The following ACE variants were observed in gnomAD, a reference collection of about 807,000 sequenced individuals.
ACE encodes angiotensin I converting enzyme.
A neutral mutation model predicts 162.3 loss-of-function variants in ACE; 122 were observed. That is an observed-to-expected ratio of 0.75 (90% CI 0.65 to 0.87). The LOEUF (loss-of-function observed/expected upper bound fraction) is 0.87. Ranked by LOEUF, ACE falls within the 40% of genes least tolerant of loss-of-function variation. The pLI is 0.00. For synonymous variants in ACE, 796 were observed against 720.6 expected (o/e 1.10, Z -1.68); for missense variants, 1,799 against 1,735.1 (o/e 1.04, Z -0.65).
chr17:63,479,946 C>T (rs1261987106), intron 4 of ACE, 34 bp downstream of exon 4: 1 of 1,587,654 alleles, frequency 6.3e-7, no homozygotes, highest in Non-Finnish European at 8.5e-7. Context: ...GGAACCACGC[C>T]AGGTGTCCTC....
At chr17:63,486,785 GC>G (rs1434785123) in intron 14 of ACE, 70 bp downstream of exon 14, 8 of 1,592,150 alleles carry the variant, frequency 5.0e-6, no homozygotes, top group Non-Finnish European at 6.9e-6. Flanking sequence ...GTCTGGCCTG[GC>G]CTTCACGCTG....
Position 63,477,086 on chromosome 17 carries a change from C to T in ACE, c.-9C>T. ...AGAAGGGGCAGAGCCGAGCACCGCG[C>T]ACCGCGTCATGGGGGCCGCCTCGGG... On this transcript the variant is annotated 5_prime_UTR_variant, in exon 1 of 25. Coordinates refer to ENST00000290866, the MANE Select transcript of ACE (RefSeq NM_000789.4). 1 of 1,302,526 alleles carries T rather than the reference C, an allele frequency of 7.7e-7. No individual in the cohort carries two copies. 80.7% of individuals were successfully genotyped at this position (1,302,526 alleles called of 1,614,324 possible).
intron 5 of ACE, 37 bp downstream of exon 5, chr17:63,480,565 G>C (rs757070682): frequency 6.2e-7 from 1 of 1,609,334 alleles, no homozygotes; most frequent in South Asian, 1.1e-5. Flanking sequence ...GAGTCCCACG[G>C]AAGTGTGGGT....
Position 63,477,066 on chromosome 17 carries a change from G to A in ACE, c.-29G>A, listed in dbSNP as rs1488804636. 6 of 1,270,132 alleles carry A rather than the reference G, an allele frequency of 4.7e-6. No homozygotes were observed. Among genetic ancestry groups the A allele is most frequent in the Admixed American group, 4.3e-5 (1 of 23,066 alleles). 78.7% of individuals were successfully genotyped at this position (1,270,132 alleles called of 1,614,324 possible). A position where few individuals can be genotyped will look rare whatever the true frequency, so the allele number is the denominator to read the frequency against. The stretch of plus-strand genomic sequence containing the variant: ...CAGGGCGGCCGCGGCGCAGGAGAAG[G>A]GGCAGAGCCGAGCACCGCGCACCGC... On this transcript the variant is annotated 5_prime_UTR_variant, in exon 1 of 25. Transcript: ENST00000290866.
intron 15 of ACE, among the ~76,000 whole-genome samples, chr17:63,488,367 A>AGC (rs2030113186): frequency 6.8e-6 from 1 of 146,112 alleles, no homozygotes; most frequent in African/African-American, 2.5e-5. Context: ...TCAGAAAAAA[A>AGC]AAAAAAAAAA....
chr17:63,496,412 C>G lies in ACE; in HGVS notation c.3399C>G (p.Ile1133Met), dbSNP rs1431115842. 6.2e-7 allele frequency: 1 copy of G among 1,614,108 alleles called. No individual in the cohort carries two copies. The highest frequency in any genetic ancestry group is 8.5e-7 in the Non-Finnish European group (1 of 1,180,056). Residue 1133 changes from isoleucine to methionine, a missense_variant, in exon 23 of 25, where the codon ATC becomes ATG. Coordinates refer to ENST00000290866, the MANE Select transcript of ACE (RefSeq NM_000789.4). ...GCTCCAGGTACTTTGTCAGCTTCAT[C>G]ATCCAGTTCCAGTTCCACGAGGCAC... ...VPYIRYFVSF[I>M]IQFQFHEALC...
chr17:63,494,184 CTG>C (rs1453275517), intron 21 of ACE, 118 bp downstream of exon 21: 1 of 1,402,738 alleles, frequency 7.1e-7, no homozygotes, highest in Admixed American at 1.9e-5. Context: ...ACTATTGTGT[CTG>C]TGCATATGAT....
chr17:63,493,747 A>T, intron 20 of ACE, 88 bp downstream of exon 20: 1 of 1,530,062 alleles, frequency 6.5e-7, no homozygotes, highest in Non-Finnish European at 8.9e-7. Flanking sequence ...TTAGTGGCCC[A>T]TGGGCAGAGG....
At chr17:63,490,879 C>T in intron 17 of ACE, 75 bp from the exon 18 acceptor site, 1 of 1,401,926 alleles carries the variant, frequency 7.1e-7, no homozygotes, top group Non-Finnish European at 1.0e-6. Context: ...CTGGAGCGCT[C>T]TTCCTGCAGG....
In ACE at chr17:63,497,418, A is replaced by G. The variant is rs986425760; in HGVS notation, c.*52A>G. 6 of 1,475,826 alleles carry G rather than the reference A, an allele frequency of 4.1e-6. No homozygotes were observed. The highest frequency in any genetic ancestry group is 4.6e-6 in the Non-Finnish European group (5 of 1,084,180). The allele number at this position is 1,475,826 out of a possible 1,614,324, so 91.4% of individuals were successfully genotyped here. ...CAAGGGCCTCCCACCAGAGACTGGG[A>G]TGGGAACACTGGTGGGCAGCTGAGG... is the stretch of plus-strand genomic sequence containing the variant. On this transcript the variant is annotated 3_prime_UTR_variant, in exon 25 of 25. Transcript: ENST00000290866.
chr17:63,493,868 AG>A, intron 20 of ACE, 53 bp from the exon 21 acceptor site: 1 of 1,613,638 alleles, frequency 6.2e-7, no homozygotes, highest in Non-Finnish European at 8.5e-7. Context: ...CAGGCACACC[AG>A]GGCCAAGCCG....
rs2029913878 is a variant in ACE at position 63,486,040 on chromosome 17, CTGTT to C, written c.2059-513_2059-510del. On this transcript the variant is annotated intron_variant, in intron 13 of 24. Transcript: ENST00000290866. Reference sequence around the variant, plus strand: ...TCGTTTTTTAAAAGATTGAAAGCCTCTGTTTGTCTCCTCTACAAAAGGGGCTACA... The same window carrying C: ...TCGTTTTTTAAAAGATTGAAAGCCTCTGTCTCCTCTACAAAAGGGGCTACA... Among the ~76,000 whole-genome samples the C allele has an allele frequency of 2.6e-5, 4 of 152,318 alleles. No individual in the cohort carries two copies. In the South Asian group the frequency reaches 6.2e-4, roughly 24 times the overall value.
Position 63,477,535 on chromosome 17 carries a change from G to T in ACE, c.249+192G>T, listed in dbSNP as rs1212308255. The T allele has an allele frequency of 1.6e-5, 5 of 308,472 alleles. No individual in the cohort carries two copies. The South Asian group carries it at 5.2e-4, about 32-fold the overall frequency. 19.1% of individuals were successfully genotyped at this position (308,472 alleles called of 1,614,324 possible). On this transcript the variant is annotated intron_variant, in intron 1 of 24. Transcript: ENST00000290866. ...CACGGCCTGCGCTCCCAGCATGCAC[G>T]AGTTGGATGGATGAGGGTGGCTGCT...
intron 13 of ACE, 59 bp from the exon 14 acceptor site, chr17:63,486,498 C>A: frequency 6.3e-7 from 1 of 1,598,458 alleles, no homozygotes; most frequent in South Asian, 1.1e-5. Flanking sequence ...TGGGGCCTCC[C>A]GCTCAGAGGC....
At position 63,482,661 on chromosome 17, in the gene ACE, C is replaced by T; in HGVS notation, c.1314C>T (p.Gly438=). The change falls in exon 8 of 25, where the codon GGC becomes GGT. Residue 438 remains glycine, a synonymous_variant. Coordinates refer to ENST00000290866, the MANE Select transcript of ACE (RefSeq NM_000789.4). ...CTCCTGAACATCTGCACAAAATCGG[C>T]CTGCTGGACCGTGTCACCAATGACA... ...VSTPEHLHKI[G]LLDRVTNDTE... The T allele has an allele frequency of 1.9e-6, 3 of 1,613,906 alleles. No homozygotes were observed. Among genetic ancestry groups the T allele is most frequent in the Non-Finnish European group, 2.5e-6 (3 of 1,179,966 alleles).
intron 3 of ACE, among the ~76,000 whole-genome samples, chr17:63,479,426 G>A (rs1054142005): frequency 1.3e-5 from 2 of 152,058 alleles, no homozygotes; most frequent in Non-Finnish European, 1.5e-5. Flanking sequence ...GGGACCCCTC[G>A]TGGCTTCCCC....
Position 63,480,448 on chromosome 17 carries a change from C to T in ACE, c.767C>T (p.Ala256Val), listed in dbSNP as rs758714422. The change falls in exon 5 of 25, where the codon GCC becomes GTC. Residue 256 changes from alanine to valine, a missense_variant. Physicochemically the swap from Ala to Val is moderately conservative, Grantham distance 64 (BLOSUM62 0). Transcript: ENST00000290866. ...QLEPLYLNLH[A>V]FVRRALHRRY... Reference sequence around the variant, plus strand: ...GAGCCCCTCTACCTGAACCTCCATGCCTTCGTCCGCCGCGCACTGCATCGC... The same window carrying T: ...GAGCCCCTCTACCTGAACCTCCATGTCTTCGTCCGCCGCGCACTGCATCGC... 1 of 1,614,122 alleles carries T rather than the reference C, an allele frequency of 6.2e-7. No homozygotes were observed. Among genetic ancestry groups the T allele is most frequent in the South Asian group, 1.1e-5 (1 of 91,088 alleles).
intron 22 of ACE, chr17:63,496,143 C>T (rs1321187691): frequency 3.7e-6 from 2 of 540,364 alleles, no homozygotes; most frequent in East Asian, 3.3e-5. Flanking sequence ...GCAGGCCCTC[C>T]TGAGTTGTGG....
In ACE at chr17:63,480,657, T is replaced by C. The variant is rs952428417; in HGVS notation, c.847+129T>C. ...ATCTCACATGTGTGGGGCATCATAC[T>C]GTTTGCTTCACATGCAGGAGACCAT... On this transcript the variant is annotated intron_variant, in intron 5 of 24. Transcript: ENST00000290866. 1.0e-4 allele frequency: 106 copies of C among 1,051,416 alleles called. No homozygotes were observed. The Admixed American group carries it at 1.9e-3, about 18-fold the overall frequency. 65.1% of individuals were successfully genotyped at this position (1,051,416 alleles called of 1,614,324 possible).
Sources: allele counts gnomAD v4.1 joint callset (sites outside exome capture counted in the v4.1 genomes callset), GRCh38; gene constraint gnomAD v4.1.1; transcripts MANE v1.5; gene names NCBI Gene and HGNC (gene_info 2026-07-23, HGNC 2026-07-21).